Variants in ZNF385B observed in about 807,000 individuals in gnomAD.
ZNF385B encodes the protein zinc finger protein 385B.
ZNF385B carries 23 observed loss-of-function variants against 39.2 expected under a neutral mutation model. The ratio of observed to expected loss-of-function variants is 0.59; its 90% CI spans 0.42 to 0.83. The LOEUF (loss-of-function observed/expected upper bound fraction) is 0.83. Ranked by LOEUF, ZNF385B falls within the 40% of genes least tolerant of loss-of-function variation. ZNF385B has a pLI of 0.00. For missense variants in ZNF385B, 552 were observed against 598.9 expected, an observed-to-expected ratio of 0.92 and a Z score of 0.82; for synonymous variants, 205 against 222.6, an observed-to-expected ratio of 0.92 and a Z score of 0.70.
intron 3 of ZNF385B, among the ~76,000 whole-genome samples, chr2:179,763,343 T>C (rs191532292): frequency 1.5e-4 from 23 of 152,366 alleles, no homozygotes; most frequent in Non-Finnish European, 1.5e-5. Flanking sequence ...GCAAGTTGTG[T>C]CATAATATCA....
intron 3 of ZNF385B, among the ~76,000 whole-genome samples, chr2:179,661,707 T>C (rs1694494033): frequency 6.6e-6 from 1 of 152,236 alleles, no homozygotes; most frequent in African/African-American, 2.4e-5. Flanking sequence ...TTCAAACACA[T>C]TTTCACAGCT....
chr2:179,840,748 G>A (rs1471632631), intron 1 of ZNF385B, among the ~76,000 whole-genome samples: 1 of 152,062 alleles, frequency 6.6e-6, no homozygotes, highest in Non-Finnish European at 1.5e-5. Flanking sequence ...TTAATATCTC[G>A]AGAACCTGTA....
In ZNF385B at chr2:179,709,058, C is replaced by A. The variant is rs559768622; in HGVS notation, c.298+60445G>T. Among the ~76,000 whole-genome samples, 751 of 152,264 alleles carry A rather than the reference C, an allele frequency of 4.9e-3. 10 individuals carry two copies. The highest frequency in any genetic ancestry group is 0.017 in the African/African-American group (700 of 41,564). The stretch of plus-strand genomic sequence containing the variant: ...ATTTAGCCAATGCCTTCTTCAGCAT[C>A]CCCCTTGCCCCAGAGAGTGAAGACC... On this transcript the variant is annotated intron_variant, in intron 3 of 9. Transcript: ENST00000410066.
intron 6 of ZNF385B, among the ~76,000 whole-genome samples, chr2:179,460,134 T>A (rs1186859270): frequency 2.0e-5 from 3 of 151,530 alleles, no homozygotes; most frequent in Non-Finnish European, 4.4e-5. Context: ...GAAAAAAAAA[T>A]ATATAATGTC....
chr2:179,769,708 C>G lies in ZNF385B; in HGVS notation c.93G>C (p.Lys31Asn), dbSNP rs1216055106. The G allele has an allele frequency of 5.6e-6, 9 of 1,614,156 alleles. No individual in the cohort carries two copies. Among genetic ancestry groups the G allele is most frequent in the Admixed American group, 1.7e-5 (1 of 60,014 alleles). ...TCAACTGGTCCTCAGGCCTGTCGTT[C>G]TTTATCCCCTTTTCTTCAAAGCCCC... ...FLRGFEEKGI[K>N]NDRPEDQLSK... Residue 31 changes from lysine to asparagine, a missense_variant, in exon 3 of 10, where the codon AAG (lysine) becomes AAC (asparagine). Lys to Asn is a moderately conservative substitution (Grantham distance 94, BLOSUM62 0). Transcript: ENST00000410066.
chr2:179,443,301 C>T lies in ZNF385B; in HGVS notation c.1410G>A (p.Gly470=), dbSNP rs2367796. Residue 470 remains glycine (G), a synonymous_variant, in exon 10 of 10, where the codon GGG becomes GGA. Transcript: ENST00000410066. ...CAGGAGTGGCGCGGATGGGCCCATG[C>T]CCAGGCCTCAGAAGAGCTGGAGGAA... ...PAIPPALLRP[G]HGPIRATPAS... 0.15 allele frequency: 237,451 copies of T among 1,612,518 alleles called. 17,950 individuals are homozygous for T. The highest frequency in any genetic ancestry group is 0.22 in the African/African-American group (16,638 of 74,956).
intron 1 of ZNF385B, among the ~76,000 whole-genome samples, chr2:179,829,389 A>C (rs1200802630): frequency 3.9e-5 from 6 of 152,226 alleles, no homozygotes; most frequent in Admixed American, 2.0e-4. Flanking sequence ...CTAGACATTG[A>C]CCTTACACCT....
Position 179,446,550 on chromosome 2 carries a change from C to G in ZNF385B, c.936G>C (p.Leu312=), listed in dbSNP as rs141276023. The change falls in exon 7 of 10, where the codon CTG becomes CTC. Residue 312 remains leucine, a synonymous_variant. Transcript: ENST00000410066. ...CSLCKVAVNS[L]SQLEAHNTGS... is the part of the protein sequence containing the mutation. ...CTGTGTTGTGTGCCTCTAGCTGTGA[C>G]AGGGAGTTCACAGCCACTTTGCATA... 9 of 1,613,764 alleles carry G rather than the reference C, an allele frequency of 5.6e-6. No homozygotes were observed. The highest frequency in any genetic ancestry group is 1.7e-5 in the Admixed American group (1 of 59,992).
At chr2:179,797,580 C>T (rs1362779733) in intron 1 of ZNF385B, among the ~76,000 whole-genome samples, 2 of 152,252 alleles carry the variant, frequency 1.3e-5, no homozygotes, top group African/African-American at 2.4e-5. Context: ...GCCTATAGTT[C>T]CTCTTCACAT....
At chr2:179,507,552 A>C (rs1453753693) in intron 5 of ZNF385B, among the ~76,000 whole-genome samples, 4 of 152,140 alleles carry the variant, frequency 2.6e-5, no homozygotes, top group African/African-American at 9.7e-5. Flanking sequence ...TCCATTACTA[A>C]ATTTATAATT....
At chr2:179,700,763 CA>C (rs1236695324) in intron 3 of ZNF385B, among the ~76,000 whole-genome samples, 1 of 152,122 alleles carries the variant, frequency 6.6e-6, no homozygotes, top group East Asian at 1.9e-4. Context: ...CCTGTAATCC[CA>C]ACGCTTTGGA....
In ZNF385B at chr2:179,769,514, T is replaced by C. The variant is rs750871791; in HGVS notation, c.287A>G (p.Asn96Ser). The change falls in exon 3 of 10, where the codon AAC (asparagine) becomes AGC (serine). Residue 96 changes from asparagine (N) to serine (S), a missense_variant. Coordinates refer to ENST00000410066, the MANE Select transcript of ZNF385B (RefSeq NM_152520.6). ...PPPAQASPSS[N>S]SSTGSTCHTT... ...ACCCTGCCTCCTACCTGTGCTGCTG[T>C]TGCTGCTGGGGCTGGCCTGGGCGGG... The C allele has an allele frequency of 3.1e-6, 5 of 1,613,752 alleles. No homozygotes were observed. Among genetic ancestry groups the C allele is most frequent in the Admixed American group, 3.3e-5 (2 of 59,988 alleles).
intron 1 of ZNF385B, among the ~76,000 whole-genome samples, chr2:179,798,396 C>A (rs1192632481): frequency 6.6e-6 from 1 of 152,016 alleles, no homozygotes; most frequent in African/African-American, 2.4e-5. Flanking sequence ...TGTTTGTAGG[C>A]CATTTCAGTG....
chr2:179,531,464 C>T (rs2059247046), intron 4 of ZNF385B, among the ~76,000 whole-genome samples: 1 of 151,854 alleles, frequency 6.6e-6, no homozygotes, highest in Non-Finnish European at 1.5e-5. Context: ...GGCAAAACCC[C>T]ATCTCTAGTA....
intron 6 of ZNF385B, among the ~76,000 whole-genome samples, chr2:179,476,509 T>C (rs529249433): frequency 1.1e-4 from 16 of 152,090 alleles, no homozygotes; most frequent in Non-Finnish European, 2.2e-4. Flanking sequence ...CAGCCTCAAC[T>C]TTTGGTTCAC....
intron 1 of ZNF385B, among the ~76,000 whole-genome samples, chr2:179,788,687 T>C (rs895054396): frequency 6.6e-6 from 1 of 152,118 alleles, no homozygotes; most frequent in Non-Finnish European, 1.5e-5. Flanking sequence ...GCAATTGAGA[T>C]TGTCAGACAT....
chr2:179,731,502 G>A (rs538755688), intron 3 of ZNF385B, among the ~76,000 whole-genome samples: 9 of 152,336 alleles, frequency 5.9e-5, no homozygotes, highest in South Asian at 2.1e-4. Flanking sequence ...ACTGCAGAGC[G>A]CAAATCAACC....
chr2:179,541,256 T>C (rs1239976484), intron 4 of ZNF385B, among the ~76,000 whole-genome samples: 2 of 152,188 alleles, frequency 1.3e-5, no homozygotes, highest in East Asian at 3.8e-4. Context: ...CTGTCAGTTG[T>C]GGTGCATAAG....
intron 3 of ZNF385B, among the ~76,000 whole-genome samples, chr2:179,741,280 T>C (rs1702071208): frequency 6.6e-6 from 1 of 152,208 alleles, no homozygotes; most frequent in South Asian, 2.1e-4. Flanking sequence ...CATTCTGTTA[T>C]AGTACATGTG....
Sources: allele counts gnomAD v4.1 joint callset (sites outside exome capture counted in the v4.1 genomes callset), GRCh38; gene constraint gnomAD v4.1.1; transcripts MANE v1.5; gene names NCBI Gene and HGNC (gene_info 2026-07-23, HGNC 2026-07-21).